Variants in RARS2 observed in about 807,000 individuals in gnomAD.
RARS2 encodes the protein probable arginine--tRNA ligase, mitochondrial.
Under a neutral mutation model 88.5 loss-of-function variants are expected in RARS2, and 67 were observed. The ratio of observed to expected loss-of-function variants is 0.76; its 90% CI spans 0.62 to 0.93. The LOEUF (loss-of-function observed/expected upper bound fraction) is 0.93, where lower values mean the gene tolerates loss of function less well. Ranked by LOEUF, RARS2 falls within the 40% of genes least tolerant of loss-of-function variation. RARS2 has a pLI of 0.00. For missense variants in RARS2, 664 were observed against 684.2 expected, an observed-to-expected ratio of 0.97 and a Z score of 0.33; for synonymous variants, 239 against 230.3, an observed-to-expected ratio of 1.04 and a Z score of -0.34.
Position 87,555,453 on chromosome 6 carries a change from T to C in RARS2, c.350A>G (p.Glu117Gly), listed in dbSNP as rs925837720. The C allele has an allele frequency of 1.9e-6, 3 of 1,614,052 alleles. No individual in the cohort carries two copies. The highest frequency in any genetic ancestry group is 2.5e-6 in the Non-Finnish European group (3 of 1,179,974). The change falls in exon 5 of 20, where the codon GAA becomes GGA. Residue 117 changes from glutamate to glycine, a missense_variant. Coordinates refer to ENST00000369536, the MANE Select transcript of RARS2 (RefSeq NM_020320.5). ...CTTCTGGGGAAGTCCAGAGAAAAGT[T>C]CACTTTTTAATCCATATTTTGAGCC... Reference protein sequence around the residue: ...EDGSKYGLKSELFSGLPQKKI... With the variant: ...EDGSKYGLKSGLFSGLPQKKI...
intron 5 of RARS2, among the ~76,000 whole-genome samples, chr6:87,551,655 C>T (rs1282751040): frequency 8.2e-6 from 1 of 121,554 alleles, no homozygotes; most frequent in South Asian, 2.8e-4. Context: ...AAAAAGATTA[C>T]TCTTATTTTC....
At chr6:87,556,572 G>C (rs1785968011) in intron 4 of RARS2, among the ~76,000 whole-genome samples, 1 of 151,782 alleles carries the variant, frequency 6.6e-6, no homozygotes, top group Non-Finnish European at 1.5e-5. Flanking sequence ...GGATCACGAG[G>C]TCAGGAGATT....
At chr6:87,560,955 C>T (rs769865784) in intron 4 of RARS2, among the ~76,000 whole-genome samples, 5 of 152,194 alleles carry the variant, frequency 3.3e-5, no homozygotes, top group Non-Finnish European at 7.3e-5. Flanking sequence ...ACTTACTGCA[C>T]TGCCAGTTGT....
intron 8 of RARS2, among the ~76,000 whole-genome samples, chr6:87,537,431 A>G (rs932404037): frequency 6.6e-6 from 1 of 152,236 alleles, no homozygotes; most frequent in African/African-American, 2.4e-5. Flanking sequence ...CTCTGCAGTA[A>G]ACTATGTTAA....
chr6:87,552,964 T>C (rs1253833519), intron 5 of RARS2, among the ~76,000 whole-genome samples: 2 of 152,216 alleles, frequency 1.3e-5, no homozygotes. Flanking sequence ...GAAAGCAGTA[T>C]GTCCTTTAAT....
chr6:87,569,462 G>GT, intron 2 of RARS2, 55 bp downstream of exon 2: 1 of 1,391,562 alleles, frequency 7.2e-7, no homozygotes, highest in South Asian at 1.2e-5. Flanking sequence ...CTTTTTTGGT[G>GT]TATCAACAAA....
intron 10 of RARS2, among the ~76,000 whole-genome samples, chr6:87,525,643 G>GGTTCAAGCAATTCTCCTGC (rs1360642575): frequency 2.6e-5 from 4 of 151,616 alleles, no homozygotes; most frequent in Admixed American, 6.6e-5. Context: ...CTGCCTCCTG[G>GGTTCAAGCAATTCTCCTGC]GTTCAAGCAA....
At chr6:87,583,603 A>C (rs575177325) in intron 1 of RARS2, among the ~76,000 whole-genome samples, 6 of 150,296 alleles carry the variant, frequency 4.0e-5, no homozygotes, top group African/African-American at 1.2e-4. Context: ...AAAAAAAAAA[A>C]CAGAACCAGC....
At chr6:87,529,898 T>TAA (rs11366765) in intron 9 of RARS2, among the ~76,000 whole-genome samples, 2 of 144,724 alleles carry the variant, frequency 1.4e-5, no homozygotes, top group African/African-American at 5.0e-5. Context: ...TATTTTTGTT[T>TAA]AAAAAAAAAA....
At chr6:87,540,428 C>T in intron 8 of RARS2, among the ~76,000 whole-genome samples, 1 of 106,766 alleles carries the variant, frequency 9.4e-6, no homozygotes. Context: ...TCAGCCTAGG[C>T]AACAGTGTGA....
chr6:87,548,944 T>C lies in RARS2; in HGVS notation c.396-298A>G, dbSNP rs1333392614. On this transcript the variant is annotated intron_variant, in intron 5 of 19. Coordinates refer to ENST00000369536, the MANE Select transcript of RARS2 (RefSeq NM_020320.5). The stretch of plus-strand genomic sequence containing the variant: ...AAATGTAAAAATACCCCCAGCACAA[T>C]GGCTCATGCCTGTAATCTCAGCACT... 4.6e-5 allele frequency among the ~76,000 whole-genome samples: 7 copies of C among 152,194 alleles called. No homozygotes were observed. The East Asian group carries it at 1.3e-3, about 29-fold the overall frequency.
At chr6:87,556,438 C>T (rs566404173) in intron 4 of RARS2, among the ~76,000 whole-genome samples, 61 of 152,136 alleles carry the variant, frequency 4.0e-4, no homozygotes, top group African/African-American at 1.4e-3. Flanking sequence ...ACCACCTCAG[C>T]CTCCAGAGTA....
At chr6:87,544,810 A>T (rs1473500762) in intron 7 of RARS2, among the ~76,000 whole-genome samples, 1 of 152,034 alleles carries the variant, frequency 6.6e-6, no homozygotes. Context: ...TTCCTTTTGG[A>T]CTTTCCCCAA....
At chr6:87,519,208 G>GTGTGTATATATATATA (rs1210109506) in intron 14 of RARS2, 21 of 256,300 alleles carry the variant, frequency 8.2e-5, no homozygotes, top group African/African-American at 4.8e-4. Flanking sequence ...GTGTGTGTGT[G>GTGTGTATATATATATA]TATATATATA....
intron 1 of RARS2, among the ~76,000 whole-genome samples, chr6:87,574,078 C>T (rs1369608216): frequency 2.6e-5 from 4 of 152,102 alleles, no homozygotes; most frequent in Admixed American, 2.6e-4. Flanking sequence ...GAGATGCTGC[C>T]CAAGCTGTGG....
intron 17 of RARS2, 100 bp from the exon 18 acceptor site, chr6:87,516,980 T>G (rs546711863): frequency 1.7e-4 from 269 of 1,540,424 alleles, no homozygotes; most frequent in South Asian, 6.4e-4. Context: ...CTCGACACGA[T>G]TAAGAGTAGA....
At chr6:87,556,320 A>G (rs904601099) in intron 4 of RARS2, among the ~76,000 whole-genome samples, 1 of 151,956 alleles carries the variant, frequency 6.6e-6, no homozygotes, top group African/African-American at 2.4e-5. Flanking sequence ...TTATTTTTAT[A>G]TTTTTGAGAC....
chr6:87,526,767 T>A (rs1375200634), intron 10 of RARS2, among the ~76,000 whole-genome samples: 1 of 150,202 alleles, frequency 6.7e-6, no homozygotes, highest in Non-Finnish European at 1.5e-5. Flanking sequence ...GCCTCCCGGG[T>A]TCAAGTGATT....
intron 5 of RARS2, among the ~76,000 whole-genome samples, chr6:87,550,559 C>T (rs184823101): frequency 1.3e-5 from 2 of 150,856 alleles, no homozygotes; most frequent in Admixed American, 6.6e-5. Context: ...AAATAAAAAA[C>T]CCCAGAAAAA....
Sources: allele counts gnomAD v4.1 joint callset (sites outside exome capture counted in the v4.1 genomes callset), GRCh38; gene constraint gnomAD v4.1.1; transcripts MANE v1.5; gene names NCBI Gene and HGNC (gene_info 2026-07-23, HGNC 2026-07-21).